Variants in WNK3 observed in about 807,000 individuals in gnomAD.
WNK3 encodes the protein WNK lysine deficient protein kinase 3.
A neutral mutation model predicts 116.7 loss-of-function variants in WNK3; 18 were observed. The observed-to-expected ratio is 0.15, with a 90% CI of 0.11 to 0.23. The LOEUF is 0.23. WNK3 is among the 10% of genes least tolerant of loss of function. The pLI is 1.00. For synonymous variants in WNK3, 404 were observed against 469.4 expected, an observed-to-expected ratio of 0.86 and a Z score of 1.80; for missense variants, 993 against 1,323.8, an observed-to-expected ratio of 0.75 and a Z score of 3.88.
At chrX:54,307,875 A>G (rs2068843740) in intron 5 of WNK3, 47 bp downstream of exon 5, 1 of 1,097,092 alleles carries the variant, frequency 9.1e-7, no homozygotes, top group Admixed American at 2.9e-5. Flanking sequence ...TAATTTCAAC[A>G]TGAAACGTGG....
At chrX:54,358,480 C>G (rs1240590335), upstream of WNK3, 1 of 111,897 alleles carries the variant, frequency 8.9e-6, no homozygotes, top group Non-Finnish European at 1.9e-5. Context: ...CCGCCGGCAC[C>G]TTTTCGCCCG....
intron 10 of WNK3, among the ~76,000 whole-genome samples, chrX:54,261,613 C>T (rs2068257175): frequency 9.0e-6 from 1 of 111,164 alleles, no homozygotes; most frequent in Non-Finnish European, 1.9e-5. Flanking sequence ...TTCTTTGAGA[C>T]CATTTTCTGT....
At position 54,311,087 on chromosome X, in the gene WNK3, A is replaced by G; in HGVS notation, c.710+32T>C. 4 of 1,031,460 alleles carry G rather than the reference A, an allele frequency of 3.9e-6. No homozygotes were observed. In the South Asian group the frequency reaches 9.5e-5, roughly 24 times the overall value. 85.0% of individuals were successfully genotyped at this position (1,031,460 alleles called of 1,213,427 possible). Reference sequence around the variant, plus strand: ...GACTCCTGAAAATTATTTCCAAATAAAACTACATTGGCACTATCAGGGTCA... The same window carrying G: ...GACTCCTGAAAATTATTTCCAAATAGAACTACATTGGCACTATCAGGGTCA... On this transcript the variant is annotated intron_variant, in intron 3 of 23. Transcript: ENST00000354646.
chrX:54,203,339 A>AAT (rs1160576498), intron 22 of WNK3, among the ~76,000 whole-genome samples: 3 of 112,108 alleles, frequency 2.7e-5, no homozygotes, highest in Admixed American at 9.5e-5. Flanking sequence ...CTCTGACTGA[A>AAT]TTATAAGCCA....
At chrX:54,347,683 T>TATATATATATACAC (rs1323652439) in intron 1 of WNK3, among the ~76,000 whole-genome samples, 8 of 96,601 alleles carry the variant, frequency 8.3e-5, no homozygotes, top group African/African-American at 1.4e-4. Context: ...TATATACACA[T>TATATATATATACAC]ATATATATAT....
chrX:54,202,864 C>CA (rs1170249063), intron 22 of WNK3, among the ~76,000 whole-genome samples: 162 of 94,286 alleles, frequency 1.7e-3, no homozygotes, highest in African/African-American at 4.7e-3. Context: ...ATGTTAAAAA[C>CA]AAAAAAAAAA....
chrX:54,199,573 C>A (rs1461493278), intron 23 of WNK3, among the ~76,000 whole-genome samples: 1 of 112,222 alleles, frequency 8.9e-6, no homozygotes, highest in African/African-American at 3.2e-5. Flanking sequence ...GTGGCTCACG[C>A]CTGTAATCCC....
intron 1 of WNK3, among the ~76,000 whole-genome samples, chrX:54,340,065 G>A (rs868931170): frequency 2.7e-5 from 3 of 110,376 alleles, no homozygotes; most frequent in East Asian, 2.9e-4. Flanking sequence ...CACAAGAATC[G>A]CTTGAACCTG....
intron 1 of WNK3, among the ~76,000 whole-genome samples, chrX:54,340,977 A>G (rs185700144): frequency 8.9e-6 from 1 of 112,377 alleles, no homozygotes; most frequent in East Asian, 2.8e-4. Flanking sequence ...AAATGAAAAC[A>G]TATGTCCACA....
At chrX:54,315,462 G>C (rs2068943096) in intron 2 of WNK3, among the ~76,000 whole-genome samples, 1 of 111,231 alleles carries the variant, frequency 9.0e-6, no homozygotes. Flanking sequence ...TAGTTACATA[G>C]ATCTAGCTTC....
At chrX:54,335,845 G>C (rs1434813004) in intron 1 of WNK3, among the ~76,000 whole-genome samples, 8 of 111,591 alleles carry the variant, frequency 7.2e-5, no homozygotes, top group Admixed American at 6.7e-4. Context: ...TCTTGAAAAA[G>C]AACAAATTTG....
intron 17 of WNK3, among the ~76,000 whole-genome samples, chrX:54,244,628 G>C (rs2068056780): frequency 8.9e-6 from 1 of 112,234 alleles, no homozygotes; most frequent in African/African-American, 3.2e-5. Context: ...ATTTCATTTT[G>C]TTCCTAAGCA....
At position 54,298,059 on chromosome X, in the gene WNK3, C is replaced by CGA; in HGVS notation, c.1398+114_1398+115dup. On this transcript the variant is annotated intron_variant, in intron 7 of 23. Transcript: ENST00000354646. ...CTGCACTCCAGCCTGGGTGACAGAG[C>CGA]GAGACTCTGTCTCAAAAAAAAGGAG... 4 of 535,664 alleles carry CGA rather than the reference C, an allele frequency of 7.5e-6. No individual in the cohort carries two copies. In the South Asian group the frequency reaches 1.2e-4, roughly 16 times the overall value. The allele number at this position is 535,664 out of a possible 1,213,427, so 44.1% of individuals were successfully genotyped here.
chrX:54,275,415 ATGTGTGTGTGTGTGTGTG>A (rs782672834), intron 10 of WNK3, among the ~76,000 whole-genome samples: 154 of 64,426 alleles, frequency 2.4e-3, no homozygotes, highest in Middle Eastern at 0.019. Flanking sequence ...ATAAGTTCAT[ATGTGTGTGTGTGTGTGTG>A]TGTGTGTGTG....
At chrX:54,237,060 T>C (rs2067969331) in exon 20 of WNK3, 2 of 1,212,174 alleles carry the variant, frequency 1.6e-6, no homozygotes, top group Non-Finnish European at 2.2e-6. Flanking sequence ...CATAAGCTTG[T>C]TCTTCGTGGT....
intron 5 of WNK3, among the ~76,000 whole-genome samples, chrX:54,302,545 C>A (rs1483331518): frequency 4.5e-5 from 5 of 110,025 alleles, no homozygotes; most frequent in Non-Finnish European, 9.5e-5. Context: ...AGGCAATCTG[C>A]CTGCCTTAGC....
chrX:54,335,638 G>GA (rs1306352733), intron 1 of WNK3, among the ~76,000 whole-genome samples: 3 of 110,143 alleles, frequency 2.7e-5, no homozygotes, highest in Non-Finnish European at 3.8e-5. Context: ...AGAAGCTGAA[G>GA]AAAAAAAACC....
chrX:54,285,428 A>G (rs1557163705), intron 10 of WNK3, among the ~76,000 whole-genome samples: 1 of 111,578 alleles, frequency 9.0e-6, no homozygotes, highest in African/African-American at 3.3e-5. Context: ...ACAAATAATC[A>G]ACAGCGATTG....
chrX:54,232,541 T>C (rs1355303582), intron 21 of WNK3, among the ~76,000 whole-genome samples: 2 of 111,938 alleles, frequency 1.8e-5, no homozygotes, highest in Non-Finnish European at 3.8e-5. Flanking sequence ...TCAAAAATTA[T>C]TGTGGGGATT....
Sources: allele counts gnomAD v4.1 joint callset (sites outside exome capture counted in the v4.1 genomes callset), GRCh38; gene constraint gnomAD v4.1.1; transcripts MANE v1.5; gene names NCBI Gene and HGNC (gene_info 2026-07-23, HGNC 2026-07-21).